The following MCPH1 variants were observed in gnomAD, a reference collection of about 807,000 sequenced individuals.
The protein encoded by MCPH1 is microcephalin.
In MCPH1, 104 loss-of-function variants were observed where a neutral mutation model predicts 84.5. That is an observed-to-expected ratio of 1.23 (90% confidence interval 1.05 to 1.45). The LOEUF (loss-of-function observed/expected upper bound fraction) is 1.45. Ranked by LOEUF, MCPH1 falls within the 40% of genes most tolerant of loss-of-function variation. The pLI is 0.00. For missense variants in MCPH1, 1,498 were observed against 1,005.7 expected (o/e 1.49, Z -6.62); for synonymous variants, 514 against 366.8 (o/e 1.40, Z -4.58).
chr8:6,625,280 G>C (rs1191628425), intron 13 of MCPH1: 3 of 985,356 alleles, frequency 3.0e-6, no homozygotes, highest in Non-Finnish European at 2.4e-6. Flanking sequence ...AACACAGAGA[G>C]CGCAAATGCC....
chr8:6,448,824 A>T (rs554686153), intron 8 of MCPH1, among the ~76,000 whole-genome samples: 8 of 152,342 alleles, frequency 5.3e-5, no homozygotes, highest in African/African-American at 1.9e-4. Context: ...AACAGATCAG[A>T]TAGTAAGTTT....
chr8:6,631,266 G>A (rs1974946), intron 13 of MCPH1, among the ~76,000 whole-genome samples: 38,298 of 152,072 alleles, frequency 0.25, 4,967 homozygotes, highest in Non-Finnish European at 0.28. Flanking sequence ...GTGGGCAAGA[G>A]AAAGAGGTGG....
At chr8:6,558,597 A>G (rs1029848870) in intron 12 of MCPH1, among the ~76,000 whole-genome samples, 6 of 152,212 alleles carry the variant, frequency 3.9e-5, no homozygotes, top group Non-Finnish European at 8.8e-5. Flanking sequence ...AAAGAGCCAC[A>G]TTGATTAAAA....
At chr8:6,577,577 C>G (rs1400405226) in intron 12 of MCPH1, among the ~76,000 whole-genome samples, 1 of 152,242 alleles carries the variant, frequency 6.6e-6, no homozygotes, top group African/African-American at 2.4e-5. Flanking sequence ...TGGACAGCTA[C>G]TGTAAGCCAA....
intron 11 of MCPH1, 61 bp downstream of exon 11, chr8:6,480,937 C>G (rs539309806): frequency 3.3e-5 from 52 of 1,587,920 alleles, no homozygotes; most frequent in Admixed American, 6.7e-5. Flanking sequence ...GTGGGTCACC[C>G]TGAGGTGCCG....
chr8:6,548,197 G>T (rs994458383), intron 12 of MCPH1, among the ~76,000 whole-genome samples: 1 of 152,040 alleles, frequency 6.6e-6, no homozygotes, highest in South Asian at 2.1e-4. Context: ...GGCACGCTTT[G>T]ACTTTAGAAG....
intron 12 of MCPH1, among the ~76,000 whole-genome samples, chr8:6,536,427 A>G (rs1820516521): frequency 6.6e-6 from 1 of 152,066 alleles, no homozygotes; most frequent in South Asian, 2.1e-4. Flanking sequence ...GATATATCTC[A>G]AAATTGGCTT....
At chr8:6,418,933 A>C (rs17536414) in intron 3 of MCPH1, among the ~76,000 whole-genome samples, 10 of 152,114 alleles carry the variant, frequency 6.6e-5, no homozygotes, top group Non-Finnish European at 1.3e-4. Flanking sequence ...TGAATTGATC[A>C]TTCCAGTTCT....
At chr8:6,549,466 G>C (rs1010400662) in intron 12 of MCPH1, among the ~76,000 whole-genome samples, 8 of 152,212 alleles carry the variant, frequency 5.3e-5, no homozygotes, top group East Asian at 1.9e-4. Flanking sequence ...GACGAGGAGG[G>C]GCCTGAGGAA....
At chr8:6,581,384 A>G (rs575709278) in intron 12 of MCPH1, among the ~76,000 whole-genome samples, 16 of 152,350 alleles carry the variant, frequency 1.1e-4, no homozygotes, top group African/African-American at 3.6e-4. Context: ...CACAAATCCA[A>G]TGTCCCTATG....
chr8:6,559,133 G>C (rs1225321499), intron 12 of MCPH1, among the ~76,000 whole-genome samples: 1 of 152,024 alleles, frequency 6.6e-6, no homozygotes, highest in African/African-American at 2.4e-5. Flanking sequence ...CTGTGAATGG[G>C]ATGGGATTTT....
Position 6,507,509 on chromosome 8 carries a change from G to A in MCPH1, c.2214+7580G>A, listed in dbSNP as rs536617643. 3 of 151,292 alleles carry A rather than the reference G, an allele frequency of 2.0e-5. No homozygotes were observed. In the South Asian group the frequency reaches 6.3e-4, roughly 32 times the overall value. The allele number at this position is 151,292 out of a possible 1,614,324, so 9.4% of individuals were successfully genotyped here. ...TTTTTCTTGTCTCAGTCACTAAGTA[G>A]CGTTTGTTCCTGTCAGTGAATTTCT... On this transcript the variant is annotated intron_variant, in intron 12 of 13. Transcript: ENST00000344683.
At chr8:6,595,669 C>T (rs1478301038) in intron 12 of MCPH1, among the ~76,000 whole-genome samples, 2 of 152,180 alleles carry the variant, frequency 1.3e-5, no homozygotes, top group Non-Finnish European at 2.9e-5. Flanking sequence ...GTGAAGAGTG[C>T]ACTGTCCAAC....
At chr8:6,446,770 T>G in intron 8 of MCPH1, 1 of 985,246 alleles carries the variant, frequency 1.0e-6, no homozygotes, top group Non-Finnish European at 1.2e-6. Context: ...GAAATGTAAA[T>G]TAAGTAGGAA....
intron 12 of MCPH1, among the ~76,000 whole-genome samples, chr8:6,557,011 A>G (rs1009588160): frequency 1.3e-5 from 2 of 151,994 alleles, no homozygotes; most frequent in Non-Finnish European, 2.9e-5. Context: ...CTCCTGCCCC[A>G]AACTGGAAAC....
Position 6,520,545 on chromosome 8 carries a change from A to T in MCPH1, c.2214+20616A>T, listed in dbSNP as rs185776005. Among the ~76,000 whole-genome samples the T allele has an allele frequency of 2.0e-3, 302 of 152,078 alleles. 8 individuals are homozygous for T. The South Asian group carries it at 0.041, about 21-fold the overall frequency. On this transcript the variant is annotated intron_variant, in intron 12 of 13. Transcript: ENST00000344683. ...CAAGCAGCTGGGATTTCAGGTGCCC[A>T]CCACCAAGCCCAGCTAATTTTTGTA...
At chr8:6,522,224 G>A (rs1239749049) in intron 12 of MCPH1, among the ~76,000 whole-genome samples, 3 of 151,998 alleles carry the variant, frequency 2.0e-5, no homozygotes, top group African/African-American at 7.2e-5. Flanking sequence ...GCGTGGTGGC[G>A]GGCGCCTGTA....
rs371426561 is a variant in MCPH1, at chr8:6,439,113, T to C, written c.580+17T>C. 41 of 1,610,066 alleles carry C rather than the reference T, an allele frequency of 2.5e-5. No individual in the cohort carries two copies. Among genetic ancestry groups the C allele is most frequent in the Non-Finnish European group, 3.4e-5 (40 of 1,177,898 alleles). ...CCCCCACCTGTAAGTAATTAGTTTG[T>C]AAAATGAAAATTATGCAAATAGCCG... On this transcript the variant is annotated intron_variant, in intron 6 of 13. Transcript: ENST00000344683.
At chr8:6,603,190 C>G (rs113262539) in intron 12 of MCPH1, among the ~76,000 whole-genome samples, 95 of 152,226 alleles carry the variant, frequency 6.2e-4, no homozygotes, top group African/African-American at 2.1e-3. Context: ...ATCCATGTCT[C>G]TGAGGTCTTG....
Sources: allele counts gnomAD v4.1 joint callset (sites outside exome capture counted in the v4.1 genomes callset), GRCh38; gene constraint gnomAD v4.1.1; transcripts MANE v1.5; gene names NCBI Gene and HGNC (gene_info 2026-07-23, HGNC 2026-07-21).